CFAP95: variants seen among roughly 807,000 people sequenced by gnomAD.
CFAP95 encodes cilia- and flagella-associated protein 95.
At chr9:69,900,165 C>G in the CFAP95 span, among the ~76,000 whole-genome samples, 3 of 152,026 alleles carry the variant, frequency 2.0e-5, no homozygotes, top group East Asian at 1.9e-4. Context: ...TATACACCCA[C>G]AGCTGTGAGT....
the CFAP95 span, among the ~76,000 whole-genome samples, chr9:69,849,564 G>A: frequency 1.3e-5 from 2 of 152,248 alleles, no homozygotes; most frequent in African/African-American, 2.4e-5. Flanking sequence ...GTGGCAAAGG[G>A]TATGATGGAT....
chr9:69,836,119 G>A, the CFAP95 span, among the ~76,000 whole-genome samples: 1 of 152,164 alleles, frequency 6.6e-6, no homozygotes, highest in East Asian at 1.9e-4. Flanking sequence ...GGTGTTAGAG[G>A]CCTTCTTATG....
chr9:69,896,469 A>T, the CFAP95 span, among the ~76,000 whole-genome samples: 9 of 152,260 alleles, frequency 5.9e-5, no homozygotes, highest in East Asian at 9.6e-4. Flanking sequence ...AGTGGTAGAG[A>T]TATTTATATT....
At chr9:69,890,674 A>C in the CFAP95 span, among the ~76,000 whole-genome samples, 1 of 152,252 alleles carries the variant, frequency 6.6e-6, no homozygotes, top group East Asian at 1.9e-4. Flanking sequence ...CATTCGGTCT[A>C]CTACATCTGC....
At chr9:69,839,978 G>A in the CFAP95 span, among the ~76,000 whole-genome samples, 7 of 151,616 alleles carry the variant, frequency 4.6e-5, no homozygotes, top group African/African-American at 1.7e-4. Flanking sequence ...TCAGAGGGTT[G>A]AGGGAGGAGA....
chr9:69,838,668 T>G, the CFAP95 span, among the ~76,000 whole-genome samples: 1 of 152,030 alleles, frequency 6.6e-6, no homozygotes, highest in South Asian at 2.1e-4. Flanking sequence ...TATAATCATG[T>G]CGTCTGCAAA....
chr9:69,858,039 G>T, the CFAP95 span: 6 of 1,520,766 alleles, frequency 3.9e-6, no homozygotes, highest in Non-Finnish European at 5.5e-6. Flanking sequence ...AGGTTTGTTT[G>T]CAGGGGCAAA....
the CFAP95 span, among the ~76,000 whole-genome samples, chr9:69,879,199 G>A: frequency 3.3e-5 from 5 of 152,154 alleles, no homozygotes; most frequent in East Asian, 1.9e-4. Context: ...TACTTTCTTG[G>A]TGACTTGCTC....
At chr9:69,894,137 C>T in the CFAP95 span, among the ~76,000 whole-genome samples, 1 of 152,194 alleles carries the variant, frequency 6.6e-6, no homozygotes, top group African/African-American at 2.4e-5. Context: ...AAGATCTCAA[C>T]ACATGTCATA....
the CFAP95 span, among the ~76,000 whole-genome samples, chr9:69,837,742 C>T: frequency 1.4e-4 from 21 of 152,132 alleles, no homozygotes; most frequent in Admixed American, 1.1e-3. Flanking sequence ...TTAATTAGAT[C>T]CCATTTGTCA....
chr9:69,862,743 T>C, the CFAP95 span, among the ~76,000 whole-genome samples: 1 of 152,238 alleles, frequency 6.6e-6, no homozygotes, highest in African/African-American at 2.4e-5. Flanking sequence ...CTTACTTTAA[T>C]TTTTAGATAA....
chr9:69,898,967 G>A, the CFAP95 span, among the ~76,000 whole-genome samples: 2 of 150,932 alleles, frequency 1.3e-5, no homozygotes, highest in Non-Finnish European at 2.9e-5. Context: ...AATCATCTTT[G>A]GTTCTTTGTC....
the CFAP95 span, among the ~76,000 whole-genome samples, chr9:69,895,002 A>G: frequency 3.4e-5 from 4 of 118,580 alleles, no homozygotes; most frequent in Non-Finnish European, 7.6e-5. Context: ...AAAAAAAAGA[A>G]AAAAAAAAAA....
chr9:69,856,498 AACTG>A, the CFAP95 span: 1 of 975,204 alleles, frequency 1.0e-6, no homozygotes, highest in Non-Finnish European at 1.6e-6. Flanking sequence ...ATGTTTTAGT[AACTG>A]ACCATTTGTA....
At chr9:69,903,736 A>AT in the CFAP95 span, among the ~76,000 whole-genome samples, 14 of 151,848 alleles carry the variant, frequency 9.2e-5, no homozygotes, top group Admixed American at 5.3e-4. Flanking sequence ...TTTCCAATGC[A>AT]TTTTTTTTGA....
the CFAP95 span, among the ~76,000 whole-genome samples, chr9:69,899,355 T>C: frequency 6.6e-6 from 1 of 152,262 alleles, no homozygotes; most frequent in African/African-American, 2.4e-5. Context: ...ATCTAACTGA[T>C]ATTTGACCTT....
At chr9:69,886,748 T>C in the CFAP95 span, 1 of 932,404 alleles carries the variant, frequency 1.1e-6, no homozygotes, top group Non-Finnish European at 1.7e-6. Context: ...CCTGAAATGT[T>C]TTTATTTCAT....
At chr9:69,887,472 G>A in the CFAP95 span, among the ~76,000 whole-genome samples, 1 of 152,208 alleles carries the variant, frequency 6.6e-6, no homozygotes, top group Non-Finnish European at 1.5e-5. Flanking sequence ...CTATTCAGGA[G>A]AACCAAGATA....
chr9:69,829,111 G>A, the CFAP95 span, among the ~76,000 whole-genome samples: 4 of 152,166 alleles, frequency 2.6e-5, no homozygotes, highest in Non-Finnish European at 4.4e-5. Context: ...TCTCGTCTGC[G>A]TTCTACAACG....
Sources: allele counts gnomAD v4.1 joint callset (sites outside exome capture counted in the v4.1 genomes callset), GRCh38; gene constraint gnomAD v4.1.1; transcripts MANE v1.5; gene names NCBI Gene and HGNC (gene_info 2026-07-23, HGNC 2026-07-21).